The following FN3K variants were observed in gnomAD, a reference collection of about 807,000 sequenced individuals.
The protein encoded by FN3K is fructosamine-3-kinase.
In FN3K, 24 loss-of-function variants were observed where a neutral mutation model predicts 24.8. The ratio of observed to expected loss-of-function variants is 0.97; its 90% CI spans 0.70 to 1.36. The LOEUF (loss-of-function observed/expected upper bound fraction) is 1.36. Ranked by LOEUF, FN3K falls within the 40% of genes most tolerant of loss-of-function variation. The pLI is 0.00. For missense variants in FN3K, 449 were observed against 416.7 expected (o/e 1.08, Z -0.67); for synonymous variants, 192 against 175.2 (o/e 1.10, Z -0.76).
Position 82,750,612 on chromosome 17 carries a change from T to C in FN3K, c.787T>C (p.Tyr263His). The C allele has an allele frequency of 6.2e-7, 1 of 1,614,010 alleles. No individual in the cohort carries two copies. Among genetic ancestry groups the C allele is most frequent in the Non-Finnish European group, 8.5e-7 (1 of 1,179,974 alleles). Residue 263 changes from tyrosine (Y) to histidine (H), a missense_variant, in exon 6 of 6, where the codon TAC becomes CAC. Coordinates refer to ENST00000300784, the MANE Select transcript of FN3K (RefSeq NM_022158.4). Reference protein sequence around the residue: ...GGFPRSFFTAYHRKIPKAPGF... With the variant: ...GGFPRSFFTAHHRKIPKAPGF... ...GTTCCCCAGATCCTTCTTCACCGCC[T>C]ACCACCGGAAGATCCCCAAGGCTCC...
chr17:82,747,327 T>G (rs76721489), intron 4 of FN3K, among the ~76,000 whole-genome samples: 3,002 of 152,324 alleles, frequency 0.02, 96 homozygotes, highest in African/African-American at 0.069. Context: ...TTAGACATCT[T>G]TCTTAAACAG....
chr17:82,739,868 A>T (rs1435280485), intron 2 of FN3K, among the ~76,000 whole-genome samples: 2 of 150,940 alleles, frequency 1.3e-5, no homozygotes, highest in African/African-American at 4.9e-5. Flanking sequence ...GTGAGCCACC[A>T]CACCCAGTCC....
intron 1 of FN3K, chr17:82,736,187 C>T (rs2046899562): frequency 9.6e-6 from 2 of 208,232 alleles, no homozygotes; most frequent in Non-Finnish European, 2.0e-5. Flanking sequence ...TTCCCACAGG[C>T]CTTGTCTGTG....
intron 2 of FN3K, among the ~76,000 whole-genome samples, chr17:82,740,420 C>CAAAAAAA (rs71369031): frequency 4.1e-5 from 3 of 73,126 alleles, no homozygotes; most frequent in Non-Finnish European, 7.4e-5. Context: ...CCCATCTCTA[C>CAAAAAAA]AAAAAAAAAA....
In FN3K at chr17:82,751,148, C is replaced by T; in HGVS notation, c.*393C>T. 1.0e-5 allele frequency: 1 copy of T among 99,024 alleles called. No homozygotes were observed. Among genetic ancestry groups the T allele is most frequent in the Non-Finnish European group, 1.9e-5 (1 of 53,224 alleles). The allele number at this position is 99,024 out of a possible 1,614,324, so 6.1% of individuals were successfully genotyped here. A position where few individuals can be genotyped will look rare whatever the true frequency, so the allele number is the denominator to read the frequency against. ...TGTCCCTGTCCCCCTTCCCCCGACC[C>T]CTCCCAGATCCTGGGGACCAATAAA... On this transcript the variant is annotated 3_prime_UTR_variant, in exon 6 of 6. Coordinates refer to ENST00000300784, the MANE Select transcript of FN3K (RefSeq NM_022158.4).
chr17:82,738,776 C>T, intron 2 of FN3K, 136 bp downstream of exon 2: 1 of 1,083,676 alleles, frequency 9.2e-7, no homozygotes, highest in South Asian at 1.3e-5. Context: ...CTGAGCCGTC[C>T]ACACAACTGC....
In FN3K at chr17:82,750,662, C is replaced by G; in HGVS notation, c.837C>G (p.Leu279=). 3.7e-6 allele frequency: 6 copies of G among 1,613,964 alleles called. No homozygotes were observed. Among genetic ancestry groups the G allele is most frequent in the Non-Finnish European group, 4.2e-6 (5 of 1,180,000 alleles). Residue 279 remains leucine, a synonymous_variant, in exon 6 of 6, where the codon CTC becomes CTG. Transcript: ENST00000300784. ...KAPGFDQRLL[L]YQLFNYLNHW... ...CGGGCTTCGACCAGCGGCTGCTGCT[C>G]TACCAGCTGTTTAACTACCTGAACC...
At position 82,748,972 on chromosome 17, in the gene FN3K, C is replaced by A; in HGVS notation, c.586C>A (p.Leu196Ile). The change falls in exon 5 of 6, where the codon CTA becomes ATA. Residue 196 changes from leucine to isoleucine, a missense_variant. Physicochemically the swap from Leu to Ile is conservative, Grantham distance 5. Coordinates refer to ENST00000300784, the MANE Select transcript of FN3K (RefSeq NM_022158.4). ...DREARELWSR[L>I]QVKIPDLFCG... ...AGAGGCACGAGAACTCTGGTCCCGG[C>A]TACAGGTGGGCACGGCAGTGACTTC... 6.2e-7 allele frequency: 1 copy of A among 1,614,148 alleles called. No homozygotes were observed. The highest frequency in any genetic ancestry group is 1.6e-4 in the Middle Eastern group (1 of 6,062).
At position 82,750,480 on chromosome 17, in the gene FN3K, TG is replaced by T; in HGVS notation, c.657del (p.Trp219CysfsTer32). The T allele has an allele frequency of 6.2e-7, 1 of 1,614,204 alleles. No individual in the cohort carries two copies. Among genetic ancestry groups the T allele is most frequent in the Non-Finnish European group, 8.5e-7 (1 of 1,180,034 alleles). On this transcript the variant is annotated frameshift_variant, in exon 6 of 6. Transcript: ENST00000300784. LOFTEE classifies it low-confidence loss of function (END_TRUNC). ...CCCCGCGTTGCTCCACGGGGATCTC[TG>T]GTCGGGAAACGTGGCTGAGGACGAC... ...IVPALLHGDL[W>X]SGNVAEDDVG...
rs1310758422 is a variant in FN3K, at chr17:82,738,507, G to C, written c.160G>C (p.Gly54Arg). 6.2e-7 allele frequency: 1 copy of C among 1,612,474 alleles called. No individual in the cohort carries two copies. Among genetic ancestry groups the C allele is most frequent in the Non-Finnish European group, 8.5e-7 (1 of 1,179,814 alleles). ...RRTQARQMFE[G>R]EVASLEALRS... ...GATGCAGGCCCGGCAGATGTTTGAG[G>C]GGGAGGTGGCCAGCCTGGAGGCCCT... The change falls in exon 2 of 6, where the codon GGG becomes CGG. Residue 54 changes from glycine to arginine, a missense_variant. By Grantham distance (125) the Gly-to-Arg change is moderately radical. Coordinates refer to ENST00000300784, the MANE Select transcript of FN3K (RefSeq NM_022158.4).
chr17:82,738,532 T>A lies in FN3K; in HGVS notation c.185T>A (p.Leu62His). ...GGGGAGGTGGCCAGCCTGGAGGCCCTCAGGAGCACGGGCCTGGTGCGGGTG... is the reference window on the plus strand; with the variant it reads ...GGGGAGGTGGCCAGCCTGGAGGCCCACAGGAGCACGGGCCTGGTGCGGGTG... Reference protein sequence around the residue: ...FEGEVASLEALRSTGLVRVPR... With the variant: ...FEGEVASLEAHRSTGLVRVPR... The change falls in exon 2 of 6, where the codon CTC becomes CAC. Residue 62 changes from leucine (L) to histidine (H), a missense_variant. Physicochemically the swap from Leu to His is moderately conservative, Grantham distance 99. Coordinates refer to ENST00000300784, the MANE Select transcript of FN3K (RefSeq NM_022158.4). 1 of 1,612,330 alleles carries A rather than the reference T, an allele frequency of 6.2e-7. No homozygotes were observed. Among genetic ancestry groups the A allele is most frequent in the Non-Finnish European group, 8.5e-7 (1 of 1,179,318 alleles).
Position 82,750,929 on chromosome 17 carries a change from CCTCCAT to C in FN3K, c.*176_*181del, listed in dbSNP as rs1379452936. ...CTGTCCCCGTCCCCCCGTCCCCGTCCCTCCATCCCTGTCCCCCGTCCCCCTGTCCCC... is the reference window on the plus strand; with the variant it reads ...CTGTCCCCGTCCCCCCGTCCCCGTCCCCCTGTCCCCCGTCCCCCTGTCCCC... On this transcript the variant is annotated 3_prime_UTR_variant, in exon 6 of 6. Coordinates refer to ENST00000300784, the MANE Select transcript of FN3K (RefSeq NM_022158.4). The C allele has an allele frequency of 2.9e-5, 10 of 343,946 alleles. No individual in the cohort carries two copies. The African/African-American group carries it at 3.6e-4, about 12-fold the overall frequency. 21.3% of individuals were successfully genotyped at this position (343,946 alleles called of 1,614,324 possible).
chr17:82,738,326 C>T, intron 1 of FN3K, 163 bp from the exon 2 acceptor site: 1 of 908,918 alleles, frequency 1.1e-6, no homozygotes, highest in Non-Finnish European at 1.7e-6. Flanking sequence ...CGGGGGGCCC[C>T]TCTGCACCCT....
intron 1 of FN3K, chr17:82,736,026 A>G: frequency 2.1e-6 from 1 of 475,106 alleles, no homozygotes; most frequent in Non-Finnish European, 3.7e-6. Flanking sequence ...TAACTTTCCT[A>G]TCCAGCAAGC....
intron 5 of FN3K, chr17:82,749,430 T>G (rs913687600): frequency 2.0e-5 from 6 of 303,816 alleles, no homozygotes; most frequent in East Asian, 1.7e-4. Context: ...TTGGGAGGCC[T>G]AGGTGGGCAG....
At position 82,748,843 on chromosome 17, in the gene FN3K, C is replaced by T; in HGVS notation, c.469-12C>T. The T allele has an allele frequency of 1.2e-6, 2 of 1,612,156 alleles. No homozygotes were observed. Among genetic ancestry groups the T allele is most frequent in the Non-Finnish European group, 1.7e-6 (2 of 1,179,824 alleles). On this transcript the variant is annotated splice_polypyrimidine_tract_variant and intron_variant, in intron 4 of 5. Coordinates refer to ENST00000300784, the MANE Select transcript of FN3K (RefSeq NM_022158.4). ...GAATTGCAACAGTGGCCTCTTTTCC[C>T]TTGTTGTCCAGGTGAATGAGTGGCA...
chr17:82,744,165 C>T (rs913272959), intron 4 of FN3K, among the ~76,000 whole-genome samples: 19 of 151,934 alleles, frequency 1.3e-4, no homozygotes, highest in African/African-American at 4.1e-4. Flanking sequence ...GCCCAGGGGC[C>T]GAGTCACCAC....
chr17:82,738,365 C>T lies in FN3K; in HGVS notation c.142-124C>T, dbSNP rs944311397. ...CTCTGTGGTGGACGCCAGCTCCCAG[C>T]CAGAGCCAGCTATCAGTGAATGAAG... On this transcript the variant is annotated intron_variant, in intron 1 of 5. Transcript: ENST00000300784. 4.4e-6 allele frequency: 6 copies of T among 1,361,596 alleles called. No individual in the cohort carries two copies. In the African/African-American group the frequency reaches 7.1e-5, roughly 16 times the overall value. The allele number at this position is 1,361,596 out of a possible 1,614,324, so 84.3% of individuals were successfully genotyped here.
rs1425564089 is a variant in FN3K, at chr17:82,750,953, C to A, written c.*198C>A. 3.6e-6 allele frequency: 1 copy of A among 280,354 alleles called. No individual in the cohort carries two copies. Among genetic ancestry groups the A allele is most frequent in the Non-Finnish European group, 6.5e-6 (1 of 153,024 alleles). 17.4% of individuals were successfully genotyped at this position (280,354 alleles called of 1,614,324 possible). A position where few individuals can be genotyped will look rare whatever the true frequency, so the allele number is the denominator to read the frequency against. On this transcript the variant is annotated 3_prime_UTR_variant, in exon 6 of 6. Transcript: ENST00000300784. ...CCCTCCATCCCTGTCCCCCGTCCCC[C>A]TGTCCCCCTGTCCACATACCAATCC...
Sources: allele counts gnomAD v4.1 joint callset (sites outside exome capture counted in the v4.1 genomes callset), GRCh38; gene constraint gnomAD v4.1.1; transcripts MANE v1.5; gene names NCBI Gene and HGNC (gene_info 2026-07-23, HGNC 2026-07-21).